Variants in TBC1D14 observed in about 807,000 individuals in gnomAD.
TBC1D14 encodes the protein TBC1 domain family, member 14.
A neutral mutation model predicts 79.0 loss-of-function variants in TBC1D14; 26 were observed. The ratio of observed to expected loss-of-function variants is 0.33; its 90% CI spans 0.24 to 0.46. The LOEUF is 0.46. Among genes scored for constraint, TBC1D14 ranks in the 20% least tolerant of loss-of-function variants. The pLI is 1.00. For synonymous variants in TBC1D14, 394 were observed against 349.9 expected, an observed-to-expected ratio of 1.13 and a Z score of -1.40; for missense variants, 769 against 887.6, an observed-to-expected ratio of 0.87 and a Z score of 1.70.
chr4:6,909,783 AGC>A (rs1261674454), upstream of TBC1D14: 1 of 147,940 alleles, frequency 6.8e-6, no homozygotes, highest in Admixed American at 6.7e-5. Context: ...GGCGGGGCGA[AGC>A]GAGGGTGCGC....
chr4:6,934,657 C>T (rs879706977), intron 2 of TBC1D14, among the ~76,000 whole-genome samples: 1 of 128,446 alleles, frequency 7.8e-6, no homozygotes, highest in Non-Finnish European at 1.7e-5. Context: ...GACTCTGTCT[C>T]AAAAAAACAA....
chr4:6,973,434 A>G (rs1201856360), intron 3 of TBC1D14, among the ~76,000 whole-genome samples: 1 of 152,174 alleles, frequency 6.6e-6, no homozygotes, highest in Non-Finnish European at 1.5e-5. Flanking sequence ...CCTTTGCAAA[A>G]TGGGTTTGAA....
intron 8 of TBC1D14, among the ~76,000 whole-genome samples, 156 bp downstream of exon 8, chr4:7,005,080 T>A (rs1315779954): frequency 2.0e-5 from 3 of 152,200 alleles, no homozygotes; most frequent in Non-Finnish European, 4.4e-5. Context: ...TTGTTTTTTT[T>A]AGCAAAAATT....
intron 12 of TBC1D14, among the ~76,000 whole-genome samples, chr4:7,019,523 C>A (rs975921714): frequency 6.6e-6 from 1 of 152,182 alleles, no homozygotes; most frequent in Non-Finnish European, 1.5e-5. Context: ...GAGGGAAGAG[C>A]GTCCCCTGCC....
chr4:6,984,634 G>A (rs553191723), intron 3 of TBC1D14, among the ~76,000 whole-genome samples: 45 of 152,270 alleles, frequency 3.0e-4, no homozygotes, highest in African/African-American at 7.7e-4. Flanking sequence ...CACAGCCCCC[G>A]TTACAGGAGT....
chr4:6,944,312 C>G (rs979337283), intron 2 of TBC1D14, among the ~76,000 whole-genome samples: 8 of 151,982 alleles, frequency 5.3e-5, no homozygotes, highest in African/African-American at 1.7e-4. Context: ...TTATTAATGT[C>G]TTTGTAGGAT....
chr4:6,937,997 T>G (rs376804221), intron 2 of TBC1D14, among the ~76,000 whole-genome samples: 2 of 150,866 alleles, frequency 1.3e-5, no homozygotes, highest in Admixed American at 6.6e-5. Context: ...GGTCCAGGAG[T>G]GTTGGAGAAA....
chr4:6,995,773 A>G (rs1307216447), intron 4 of TBC1D14: 1 of 152,140 alleles, frequency 6.6e-6, no homozygotes, highest in East Asian at 1.9e-4. Flanking sequence ...CGGCCTCCCA[A>G]AGTGCTGGGA....
At position 6,931,984 on chromosome 4, in the gene TBC1D14, T is replaced by C. The variant is rs542325785; in HGVS notation, c.722+7873T>C. Among the ~76,000 whole-genome samples the C allele has an allele frequency of 3.2e-4, 49 of 151,712 alleles. 1 individual carries two copies. The South Asian group carries it at 9.4e-3, about 29-fold the overall frequency. ...GCCAGCAAGCAGAGGTGGTACGAGGTCCTGGGAGGAGCGGAGAAGACAAGT... is the reference window on the plus strand; with the variant it reads ...GCCAGCAAGCAGAGGTGGTACGAGGCCCTGGGAGGAGCGGAGAAGACAAGT... On this transcript the variant is annotated intron_variant, in intron 2 of 13. Coordinates refer to ENST00000409757, the MANE Select transcript of TBC1D14 (RefSeq NM_020773.3).
At chr4:6,937,202 C>T (rs1413052209) in intron 2 of TBC1D14, among the ~76,000 whole-genome samples, 4 of 152,252 alleles carry the variant, frequency 2.6e-5, no homozygotes, top group African/African-American at 9.6e-5. Flanking sequence ...CAGGCGTGAG[C>T]CACCACGCTG....
intron 3 of TBC1D14, among the ~76,000 whole-genome samples, chr4:6,989,462 T>C (rs952026963): frequency 5.9e-5 from 9 of 152,228 alleles, no homozygotes; most frequent in Admixed American, 3.3e-4. Flanking sequence ...AGCCCACGTC[T>C]TACCTGTCTG....
intron 3 of TBC1D14, among the ~76,000 whole-genome samples, chr4:6,978,179 G>A (rs1206915604): frequency 9.4e-5 from 14 of 148,452 alleles, no homozygotes; most frequent in African/African-American, 2.5e-5. Context: ...GCCTCTGCCC[G>A]GCCGCCCCTA....
chr4:6,998,051 C>T (rs949952670), intron 5 of TBC1D14, among the ~76,000 whole-genome samples: 3 of 152,168 alleles, frequency 2.0e-5, no homozygotes, highest in African/African-American at 7.2e-5. Context: ...CATGGTATTT[C>T]TCAGAGCTGC....
At chr4:6,937,578 AG>A (rs1341938384) in intron 2 of TBC1D14, among the ~76,000 whole-genome samples, 2 of 152,162 alleles carry the variant, frequency 1.3e-5, no homozygotes, top group African/African-American at 4.8e-5. Context: ...TAGAGAGGGA[AG>A]GAAGCGTTGC....
intron 12 of TBC1D14, among the ~76,000 whole-genome samples, chr4:7,022,873 G>C (rs1721968661): frequency 6.6e-6 from 1 of 151,622 alleles, no homozygotes; most frequent in Admixed American, 6.6e-5. Context: ...GGCTTGGGGG[G>C]GTACATTGTA....
rs1384033234 is a variant in TBC1D14 at position 7,031,640 on chromosome 4, C to G, written c.*1248C>G. The G allele has an allele frequency of 1.3e-5, 2 of 152,246 alleles. No individual in the cohort carries two copies. Among genetic ancestry groups the G allele is most frequent in the African/African-American group, 4.8e-5 (2 of 41,462 alleles). 9.4% of individuals were successfully genotyped at this position (152,246 alleles called of 1,614,324 possible). A position where few individuals can be genotyped will look rare whatever the true frequency, so the allele number is the denominator to read the frequency against. On this transcript the variant is annotated 3_prime_UTR_variant, in exon 14 of 14. Coordinates refer to ENST00000409757, the MANE Select transcript of TBC1D14 (RefSeq NM_020773.3). ...CAGCTGCGCAGTCTAAAGGGCAGGC[C>G]AGTGTCTGGAAGCAGGGCCCACGTG...
At chr4:6,996,833 C>T (rs766342420) in intron 5 of TBC1D14, among the ~76,000 whole-genome samples, 10 of 152,300 alleles carry the variant, frequency 6.6e-5, no homozygotes, top group Admixed American at 1.3e-4. Context: ...TTTGAACTGA[C>T]GTGAGAAAAG....
intron 2 of TBC1D14, among the ~76,000 whole-genome samples, chr4:6,966,760 A>G (rs185048681): frequency 6.6e-6 from 1 of 152,294 alleles, no homozygotes; most frequent in African/African-American, 2.4e-5. Context: ...GACATAACAC[A>G]TTTTCTTACT....
intron 2 of TBC1D14, among the ~76,000 whole-genome samples, chr4:6,965,909 A>G (rs1451928030): frequency 6.6e-6 from 1 of 152,172 alleles, no homozygotes; most frequent in Non-Finnish European, 1.5e-5. Context: ...TTAATAAGGA[A>G]TTTGTAGGAG....
Sources: allele counts gnomAD v4.1 joint callset (sites outside exome capture counted in the v4.1 genomes callset), GRCh38; gene constraint gnomAD v4.1.1; transcripts MANE v1.5; gene names NCBI Gene and HGNC (gene_info 2026-07-23, HGNC 2026-07-21).